Variants in PROX1 observed in about 807,000 individuals in gnomAD.
PROX1 encodes prospero homeobox 1, also known as prospero homeobox protein 1.
A neutral mutation model predicts 58.8 loss-of-function variants in PROX1; 7 were observed. The observed-to-expected ratio is 0.12, with a 90% CI of 0.07 to 0.22. The LOEUF (loss-of-function observed/expected upper bound fraction) is 0.22, where lower values mean the gene tolerates loss of function less well. PROX1 is among the 10% of genes least tolerant of loss of function. The pLI is 1.00. For synonymous variants in PROX1, 350 were observed against 358.3 expected, an observed-to-expected ratio of 0.98 and a Z score of 0.26; for missense variants, 675 against 927.8, an observed-to-expected ratio of 0.73 and a Z score of 3.54.
intron 2 of PROX1, among the ~76,000 whole-genome samples, chr1:214,004,481 T>C (rs1663635279): frequency 6.6e-6 from 1 of 152,164 alleles, no homozygotes; most frequent in Non-Finnish European, 1.5e-5. Context: ...GACAGGCAAA[T>C]TGTATTTGGT....
rs1308699278 is a variant in PROX1 at position 213,988,458 on chromosome 1, C to G, written c.-93C>G. The G allele has an allele frequency of 7.2e-6, 1 of 139,174 alleles. No homozygotes were observed. The highest frequency in any genetic ancestry group is 1.6e-5 in the Non-Finnish European group (1 of 63,410). The allele number at this position is 139,174 out of a possible 1,614,324, so 8.6% of individuals were successfully genotyped here. On this transcript the variant is annotated 5_prime_UTR_variant, in exon 1 of 5. Coordinates refer to ENST00000366958, the MANE Select transcript of PROX1 (RefSeq NM_001270616.2). The stretch of plus-strand genomic sequence containing the variant: ...AGAGAGAGAGAGAGAGAGAGAGAGG[C>G]TCGGTCCCACTGCTCCCTGCACCGC...
At chr1:214,024,239 C>T (rs1013837985) in intron 4 of PROX1, among the ~76,000 whole-genome samples, 1 of 152,184 alleles carries the variant, frequency 6.6e-6, no homozygotes, top group East Asian at 1.9e-4. Context: ...CAAAGCCCTT[C>T]ACAAGCTCTT....
At chr1:214,017,123 T>C (rs1664123712) in intron 4 of PROX1, among the ~76,000 whole-genome samples, 1 of 152,008 alleles carries the variant, frequency 6.6e-6, no homozygotes, top group African/African-American at 2.4e-5. Flanking sequence ...CAGCTTTCAA[T>C]AGCAGTGTCT....
chr1:214,028,707 G>A (rs896274772), intron 4 of PROX1, among the ~76,000 whole-genome samples: 2 of 152,112 alleles, frequency 1.3e-5, no homozygotes, highest in Non-Finnish European at 2.9e-5. Flanking sequence ...TCCTCCCCTG[G>A]AATGAGAGGG....
chr1:213,992,203 A>G (rs748511531), intron 1 of PROX1, among the ~76,000 whole-genome samples: 3 of 152,198 alleles, frequency 2.0e-5, no homozygotes, highest in Admixed American at 6.5e-5. Context: ...ATGGGATGGG[A>G]GAATCTTAAA....
intron 4 of PROX1, among the ~76,000 whole-genome samples, chr1:214,025,332 C>T (rs926998514): frequency 6.6e-6 from 1 of 152,212 alleles, no homozygotes; most frequent in Non-Finnish European, 1.5e-5. Flanking sequence ...AGGATCAGTG[C>T]AGAATGAAAG....
intron 4 of PROX1, among the ~76,000 whole-genome samples, chr1:214,016,931 C>T (rs966406676): frequency 2.0e-5 from 3 of 152,156 alleles, no homozygotes; most frequent in Non-Finnish European, 2.9e-5. Context: ...GGGTTACATT[C>T]AAGCACAGTA....
intron 4 of PROX1, among the ~76,000 whole-genome samples, chr1:214,013,831 C>T (rs1464148533): frequency 6.6e-6 from 1 of 152,138 alleles, no homozygotes; most frequent in Admixed American, 6.5e-5. Flanking sequence ...GAGTATGGGG[C>T]CCGGGCAGGA....
intron 2 of PROX1, among the ~76,000 whole-genome samples, chr1:213,999,212 T>C (rs913411156): frequency 2.6e-5 from 4 of 151,744 alleles, no homozygotes; most frequent in Non-Finnish European, 5.9e-5. Context: ...TAACTGAAGA[T>C]TTTTTTTTCT....
At chr1:214,003,976 T>TGTGTGTGTGTGTGTGTGTG (rs11399035) in intron 2 of PROX1, among the ~76,000 whole-genome samples, 4 of 151,980 alleles carry the variant, frequency 2.6e-5, no homozygotes, top group African/African-American at 9.7e-5. Flanking sequence ...GTGAGTGTGT[T>TGTGTGTGTGTGTGTGTGTG]TGTGTGTGTG....
chr1:213,999,205 C>A (rs1349394910), intron 2 of PROX1, among the ~76,000 whole-genome samples: 1 of 152,006 alleles, frequency 6.6e-6, no homozygotes, highest in Non-Finnish European at 1.5e-5. Context: ...CTATTTTTAA[C>A]TGAAGATTTT....
intron 1 of PROX1, chr1:213,988,842 A>C (rs1294521667): frequency 1.3e-5 from 2 of 151,564 alleles, no homozygotes; most frequent in Non-Finnish European, 2.9e-5. Flanking sequence ...CCTTTTGTGT[A>C]CTGTTTCTGG....
intron 4 of PROX1, among the ~76,000 whole-genome samples, chr1:214,032,943 G>A (rs748734762): frequency 2.2e-4 from 33 of 152,230 alleles, no homozygotes; most frequent in Admixed American, 5.9e-4. Context: ...ATGATGAAGA[G>A]GAGACTGCAT....
At chr1:213,986,973 T>C (rs1169299021), upstream of PROX1, among the ~76,000 whole-genome samples, 1 of 152,258 alleles carries the variant, frequency 6.6e-6, no homozygotes, top group East Asian at 1.9e-4. Flanking sequence ...ATTTATGCGT[T>C]TGAAATTTCT....
At chr1:213,983,903 G>A (rs340877), upstream of PROX1, 70,847 of 152,114 alleles carry the variant, frequency 0.47, 17,560 homozygotes, top group South Asian at 0.58. Flanking sequence ...TTATGTCAGG[G>A]AGCACCCCTC....
At position 213,994,771 on chromosome 1, in the gene PROX1, AT is replaced by A. The variant is rs1558167555; in HGVS notation, c.-67-1697del. Among the ~76,000 whole-genome samples, 114 of 33,826 alleles carry A rather than the reference AT, an allele frequency of 3.4e-3. 2 individuals carry two copies. The highest frequency in any genetic ancestry group is 5.1e-3 in the Non-Finnish European group (86 of 16,766). 22.2% of individuals were successfully genotyped at this position (33,826 alleles called of 152,430 possible). On this transcript the variant is annotated intron_variant, in intron 1 of 4. Transcript: ENST00000366958. ...TGCAAATATATATATATATATATATATATATATATATATATATATATATATA... is the reference window on the plus strand; with the variant it reads ...TGCAAATATATATATATATATATATAATATATATATATATATATATATATA...
At chr1:214,018,010 A>AT (rs1264910838) in intron 4 of PROX1, among the ~76,000 whole-genome samples, 1 of 152,096 alleles carries the variant, frequency 6.6e-6, no homozygotes, top group Non-Finnish European at 1.5e-5. Flanking sequence ...TTTCAGTGGG[A>AT]TGTTATCATT....
At chr1:213,985,637 G>C (rs1249628630), upstream of PROX1, 1 of 152,262 alleles carries the variant, frequency 6.6e-6, no homozygotes, top group East Asian at 1.9e-4. Flanking sequence ...ACTCAGGCCT[G>C]CTTTTGCCCA....
At chr1:214,015,401 C>T (rs939242424) in intron 4 of PROX1, among the ~76,000 whole-genome samples, 3 of 152,100 alleles carry the variant, frequency 2.0e-5, no homozygotes, top group Non-Finnish European at 4.4e-5. Context: ...TTCATTCTCA[C>T]TTCACTTTGA....
Sources: allele counts gnomAD v4.1 joint callset (sites outside exome capture counted in the v4.1 genomes callset), GRCh38; gene constraint gnomAD v4.1.1; transcripts MANE v1.5; gene names NCBI Gene and HGNC (gene_info 2026-07-23, HGNC 2026-07-21).